The following GAREM1 variants were observed in gnomAD, a reference collection of about 807,000 sequenced individuals.
GAREM1 encodes GRB2 associated regulator of MAPK1 subtype 1, also known as GRB2-associated and regulator of MAPK protein 1.
A neutral mutation model predicts 71.3 loss-of-function variants in GAREM1; 26 were observed. The ratio of observed to expected loss-of-function variants is 0.36; its 90% CI spans 0.27 to 0.51. The LOEUF (loss-of-function observed/expected upper bound fraction) is 0.51, where lower values mean the gene tolerates loss of function less well. GAREM1 is among the 20% of genes least tolerant of loss of function. The pLI is 0.95. For synonymous variants in GAREM1, 440 were observed against 433.2 expected (o/e 1.02, Z -0.20); for missense variants, 1,026 against 1,103.1 (o/e 0.93, Z 0.99).
chr18:32,335,894 G>A (rs185954699), intron 2 of GAREM1, among the ~76,000 whole-genome samples: 1 of 152,218 alleles, frequency 6.6e-6, no homozygotes, highest in East Asian at 1.9e-4. Flanking sequence ...GCAAGCAATG[G>A]GTTGGGCTGA....
rs144673171 is a variant in GAREM1, at chr18:32,429,817, A to G, written c.122-36782T>C. Among the ~76,000 whole-genome samples the G allele has an allele frequency of 2.2e-4, 34 of 152,340 alleles. 1 individual carries two copies. Among genetic ancestry groups the G allele is most frequent in the African/African-American group, 7.7e-4 (32 of 41,582 alleles). ...TCACACCTTCCTGGTGCAGAGGAGG[A>G]ATGACATTCTTTAATCTTAATTGCT... On this transcript the variant is annotated intron_variant, in intron 1 of 5. Transcript: ENST00000269209.
chr18:32,447,767 A>C (rs2048798571), intron 1 of GAREM1, among the ~76,000 whole-genome samples: 1 of 152,166 alleles, frequency 6.6e-6, no homozygotes, highest in South Asian at 2.1e-4. Context: ...TCCGCTTTGC[A>C]CATCATAGGC....
At chr18:32,283,578 T>G (rs1411884712) in intron 4 of GAREM1, among the ~76,000 whole-genome samples, 1 of 151,736 alleles carries the variant, frequency 6.6e-6, no homozygotes, top group African/African-American at 2.4e-5. Flanking sequence ...GCATAAAAAA[T>G]TATTAAACAA....
intron 2 of GAREM1, among the ~76,000 whole-genome samples, chr18:32,390,895 T>G (rs1234852584): frequency 1.3e-5 from 2 of 152,172 alleles, no homozygotes; most frequent in South Asian, 4.1e-4. Context: ...CATCAGTCTT[T>G]TTAAAGTTCT....
At chr18:32,443,931 G>C (rs1320933077) in intron 1 of GAREM1, among the ~76,000 whole-genome samples, 1 of 152,100 alleles carries the variant, frequency 6.6e-6, no homozygotes, top group African/African-American at 2.4e-5. Flanking sequence ...GTGTTATTCA[G>C]CCATGAAAAG....
intron 2 of GAREM1, among the ~76,000 whole-genome samples, chr18:32,366,609 A>C (rs1053738325): frequency 2.0e-5 from 3 of 152,242 alleles, no homozygotes; most frequent in African/African-American, 7.2e-5. Context: ...GCAACAATGC[A>C]CTTTTAATTA....
Position 32,342,027 on chromosome 18 carries a change from T to C in GAREM1, c.263-31704A>G, listed in dbSNP as rs142935697. On this transcript the variant is annotated intron_variant, in intron 2 of 5. Transcript: ENST00000269209. The stretch of plus-strand genomic sequence containing the variant: ...GGCCACCAAAAAAGAAAAAAAAAGG[T>C]TTATTTTGAATAAGTTGGGTTTGAA... Among the ~76,000 whole-genome samples the C allele has an allele frequency of 3.1e-3, 477 of 152,008 alleles. 1 individual carries two copies. The highest frequency in any genetic ancestry group is 0.011 in the African/African-American group (449 of 41,458).
intron 1 of GAREM1, among the ~76,000 whole-genome samples, chr18:32,427,011 T>C (rs1295488183): frequency 1.3e-5 from 2 of 152,198 alleles, no homozygotes; most frequent in African/African-American, 4.8e-5. Flanking sequence ...TCTTTCCCTT[T>C]ATTCATGCTA....
intron 2 of GAREM1, among the ~76,000 whole-genome samples, chr18:32,332,350 T>C (rs1328496732): frequency 2.0e-5 from 3 of 151,970 alleles, no homozygotes; most frequent in Non-Finnish European, 2.9e-5. Flanking sequence ...AGGCACGCCA[T>C]GTAACACACC....
rs185712888 is a variant in GAREM1, at chr18:32,265,934, C to A, written c.*1937G>T. The A allele has an allele frequency of 1.3e-5, 2 of 152,234 alleles. No individual in the cohort carries two copies. The highest frequency in any genetic ancestry group is 6.5e-5 in the Admixed American group (1 of 15,290). The allele number at this position is 152,234 out of a possible 1,614,324, so 9.4% of individuals were successfully genotyped here. On this transcript the variant is annotated 3_prime_UTR_variant, in exon 6 of 6. Transcript: ENST00000269209. ...GGTTTACTTTACTAAGGGAGGCAGT[C>A]CCCCTCACACAGAAGGATGCTTTCA...
intron 2 of GAREM1, among the ~76,000 whole-genome samples, chr18:32,361,745 G>C (rs2047867990): frequency 1.3e-5 from 2 of 152,094 alleles, no homozygotes; most frequent in Admixed American, 1.3e-4. Context: ...TCCTCATAGA[G>C]TTTATAAAAT....
chr18:32,362,444 T>C (rs183508358), intron 2 of GAREM1, among the ~76,000 whole-genome samples: 75 of 152,356 alleles, frequency 4.9e-4, no homozygotes, highest in African/African-American at 1.7e-3. Flanking sequence ...TTTCCTTCGG[T>C]TGTTAAATAT....
intron 2 of GAREM1, among the ~76,000 whole-genome samples, chr18:32,328,898 A>G (rs1315720158): frequency 6.6e-6 from 1 of 152,210 alleles, no homozygotes; most frequent in Non-Finnish European, 1.5e-5. Flanking sequence ...AAAGCCTAAA[A>G]CGGAAAAGAG....
chr18:32,399,170 T>C lies in GAREM1; in HGVS notation c.122-6135A>G, dbSNP rs190160965. ...AAATTAGGTATTGATGGGAAGTGTC[T>C]CAAAATAATAAGAGCTATTTATGAC... is the stretch of plus-strand genomic sequence containing the variant. On this transcript the variant is annotated intron_variant, in intron 1 of 5. Coordinates refer to ENST00000269209, the MANE Select transcript of GAREM1 (RefSeq NM_001242409.2). 7.6e-4 allele frequency among the ~76,000 whole-genome samples: 116 copies of C among 152,296 alleles called. 1 individual carries two copies. The East Asian group carries it at 0.018, about 24-fold the overall frequency.
intron 1 of GAREM1, among the ~76,000 whole-genome samples, chr18:32,438,070 G>C (rs1351014060): frequency 6.6e-6 from 1 of 152,112 alleles, no homozygotes; most frequent in East Asian, 1.9e-4. Flanking sequence ...TTCACCAAAA[G>C]TATGAGGAAC....
At chr18:32,375,116 C>T (rs759928129) in intron 2 of GAREM1, among the ~76,000 whole-genome samples, 35 of 152,100 alleles carry the variant, frequency 2.3e-4, no homozygotes, top group Non-Finnish European at 4.0e-4. Flanking sequence ...TTATAGTTTA[C>T]GAAATTTCTA....
chr18:32,358,851 A>G (rs1413222002), intron 2 of GAREM1, among the ~76,000 whole-genome samples: 9 of 152,228 alleles, frequency 5.9e-5, no homozygotes, highest in Non-Finnish European at 1.3e-4. Flanking sequence ...GCCTGGCTAC[A>G]TAATTTGCAG....
At chr18:32,460,383 A>G (rs1343331274) in intron 1 of GAREM1, among the ~76,000 whole-genome samples, 4 of 152,240 alleles carry the variant, frequency 2.6e-5, no homozygotes, top group African/African-American at 4.8e-5. Context: ...TTATTAAACA[A>G]CCATAAGGTC....
At chr18:32,294,732 G>T (rs2047123734) in intron 3 of GAREM1, among the ~76,000 whole-genome samples, 1 of 152,032 alleles carries the variant, frequency 6.6e-6, no homozygotes, top group South Asian at 2.1e-4. Context: ...TTACTGTAAG[G>T]TTTTTTCTCC....
Sources: gnomAD v4.1 joint callset for allele counts (sites outside exome capture counted in the v4.1 genomes callset) on GRCh38, gnomAD v4.1.1 for gene constraint, MANE v1.5 for transcripts, NCBI Gene and HGNC (gene_info 2026-07-23, HGNC 2026-07-21) for gene names.